The following CYP4F22 variants were observed in gnomAD, a reference collection of about 807,000 sequenced individuals.
CYP4F22 encodes the protein cytochrome P450 family 4 subfamily F member 22, also known as ultra-long-chain fatty acid omega-hydroxylase.
CYP4F22 carries 37 observed loss-of-function variants against 60.4 expected under a neutral mutation model. That is an observed-to-expected ratio of 0.61 (90% confidence interval 0.47 to 0.81). The LOEUF (loss-of-function observed/expected upper bound fraction) is 0.81. Ranked by LOEUF, CYP4F22 falls within the 30% of genes least tolerant of loss-of-function variation. The probability of loss-of-function intolerance (pLI) is 0.00; values close to 1 mark genes in which losing one functional copy is unlikely to be tolerated. For synonymous variants in CYP4F22, 258 were observed against 280.5 expected (o/e 0.92, Z 0.80); for missense variants, 655 against 715.0 (o/e 0.92, Z 0.96).
chr19:15,536,204 T>TGGC (rs1971392540), intron 4 of CYP4F22, among the ~76,000 whole-genome samples: 1 of 152,132 alleles, frequency 6.6e-6, no homozygotes, highest in Admixed American at 6.5e-5. Context: ...CCAGGCATGG[T>TGGC]GGCGTATGCC....
rs374513909 is a variant in CYP4F22 at position 15,529,729 on chromosome 19, C to T, written c.243C>T (p.Gly81=). Residue 81 remains glycine (G), a synonymous_variant, in exon 4 of 14, where the codon GGC becomes GGT. Transcript: ENST00000269703. ...HLGMYLPNEA[G]LQDEKKVLDN... ...TGCAGTACCTTCCAAATGAGGCGGG[C>T]CTTCAAGATGAGAAGAAGGTACTGG... The T allele has an allele frequency of 8.1e-6, 13 of 1,613,996 alleles. No individual in the cohort carries two copies. Among genetic ancestry groups the T allele is most frequent in the Non-Finnish European group, 1.1e-5 (13 of 1,180,038 alleles).
chr19:15,538,179 G>GAT (rs1472169313), intron 7 of CYP4F22, among the ~76,000 whole-genome samples, 186 bp downstream of exon 7: 1 of 152,034 alleles, frequency 6.6e-6, no homozygotes. Context: ...CAAAAAAATG[G>GAT]GCATCATAAT....
chr19:15,534,898 G>C (rs1971379704), intron 4 of CYP4F22, among the ~76,000 whole-genome samples: 1 of 152,152 alleles, frequency 6.6e-6, no homozygotes, highest in Non-Finnish European at 1.5e-5. Flanking sequence ...GTGATTTAGG[G>C]TGGCTGGAGT....
At chr19:15,513,892 G>A (rs998053747) in intron 1 of CYP4F22, among the ~76,000 whole-genome samples, 2 of 152,156 alleles carry the variant, frequency 1.3e-5, no homozygotes, top group Admixed American at 1.3e-4. Flanking sequence ...AGCCCTAATC[G>A]AGATGTAATT....
chr19:15,510,964 ATAT>A (rs1267534964), intron 1 of CYP4F22, among the ~76,000 whole-genome samples: 58 of 113,644 alleles, frequency 5.1e-4, no homozygotes, highest in African/African-American at 1.7e-3. Flanking sequence ...ATATATATAT[ATAT>A]TTTTTTTTTT....
chr19:15,514,564 C>T (rs540589180), intron 1 of CYP4F22, among the ~76,000 whole-genome samples: 1 of 152,034 alleles, frequency 6.6e-6, no homozygotes, highest in East Asian at 1.9e-4. Context: ...CCCAGCTACT[C>T]GGGAGGCTGA....
chr19:15,524,275 T>G (rs1971256393), intron 2 of CYP4F22, among the ~76,000 whole-genome samples: 1 of 152,124 alleles, frequency 6.6e-6, no homozygotes, highest in Non-Finnish European at 1.5e-5. Context: ...GAAAGCAGAT[T>G]AGTGGTGCCA....
intron 10 of CYP4F22, among the ~76,000 whole-genome samples, chr19:15,547,617 G>A (rs922759700): frequency 1.7e-4 from 26 of 152,130 alleles, no homozygotes; most frequent in South Asian, 6.2e-4. Context: ...GAGGTCAGGC[G>A]TTTGAGACCA....
chr19:15,540,850 C>CTCCCA, intron 8 of CYP4F22, 133 bp downstream of exon 8: 1 of 1,157,830 alleles, frequency 8.6e-7, no homozygotes, highest in Non-Finnish European at 1.2e-6. Flanking sequence ...TTTGGGAGGC[C>CTCCCA]AAGGCGGGAG....
At chr19:15,512,043 G>A (rs1449884385) in intron 1 of CYP4F22, among the ~76,000 whole-genome samples, 1 of 152,170 alleles carries the variant, frequency 6.6e-6, no homozygotes, top group Non-Finnish European at 1.5e-5. Flanking sequence ...ACATTCTGAG[G>A]GTGTCACCTT....
chr19:15,518,304 T>G (rs964010399), intron 1 of CYP4F22, among the ~76,000 whole-genome samples: 1 of 151,892 alleles, frequency 6.6e-6, no homozygotes, highest in Non-Finnish European at 1.5e-5. Context: ...ACCACTGCAC[T>G]TCTGCCTGGG....
intron 4 of CYP4F22, among the ~76,000 whole-genome samples, chr19:15,532,658 A>C (rs1020805131): frequency 1.3e-5 from 2 of 151,680 alleles, no homozygotes; most frequent in African/African-American, 4.8e-5. Flanking sequence ...CTGGGATTAC[A>C]GGCGTGAGCT....
intron 1 of CYP4F22, among the ~76,000 whole-genome samples, chr19:15,522,088 T>C (rs1414043181): frequency 1.4e-5 from 2 of 145,174 alleles, no homozygotes; most frequent in African/African-American, 2.6e-5. Context: ...GAGGTTGCAG[T>C]GAGCTGAGAC....
rs978762124 is a variant in CYP4F22 at position 15,511,291 on chromosome 19, CA to C, written c.-109+2715del. Among the ~76,000 whole-genome samples the C allele has an allele frequency of 4.0e-5, 6 of 150,684 alleles. No individual in the cohort carries two copies. In the East Asian group the frequency reaches 1.2e-3, roughly 29 times the overall value. On this transcript the variant is annotated intron_variant, in intron 1 of 13. Transcript: ENST00000269703. Reference sequence around the variant, plus strand: ...CCAGCACTATATTAATTTTTTTTAACAAAAAAATTAAAAAAAAATTAGCTGA... The same window carrying C: ...CCAGCACTATATTAATTTTTTTTAACAAAAAATTAAAAAAAAATTAGCTGA...
At chr19:15,541,537 G>C (rs7250414) in intron 8 of CYP4F22, among the ~76,000 whole-genome samples, 8,140 of 152,066 alleles carry the variant, frequency 0.054, 437 homozygotes, top group East Asian at 0.29. Context: ...TTCTAGCGGA[G>C]GGGGGGTGGG....
chr19:15,546,246 G>T (rs191152324), intron 10 of CYP4F22, among the ~76,000 whole-genome samples: 126 of 152,142 alleles, frequency 8.3e-4, no homozygotes, highest in Non-Finnish European at 1.6e-3. Context: ...AAAGTGCTGG[G>T]ATTATAGGTG....
chr19:15,508,744 AC>A (rs1971049044), intron 1 of CYP4F22, among the ~76,000 whole-genome samples, 161 bp downstream of exon 1: 1 of 151,664 alleles, frequency 6.6e-6, no homozygotes, highest in Admixed American at 6.6e-5. Context: ...AGGACCCAGG[AC>A]GGGGCTGCAT....
Position 15,551,695 on chromosome 19 carries a change from C to A in CYP4F22, c.*224C>A. ...GATCCCGCCCCTTGAGGCTTAGGTC[C>A]CGCCCCCTGACTTCTCGCACCTGTC... On this transcript the variant is annotated 3_prime_UTR_variant, in exon 14 of 14. Transcript: ENST00000269703. 1.6e-6 allele frequency: 1 copy of A among 619,562 alleles called. No individual in the cohort carries two copies. Among genetic ancestry groups the A allele is most frequent in the East Asian group, 2.8e-5 (1 of 36,092 alleles). The allele number at this position is 619,562 out of a possible 1,614,324, so 38.4% of individuals were successfully genotyped here.
rs143185294 is a variant in CYP4F22, at chr19:15,509,802, C to A, written c.-109+1219C>A. On this transcript the variant is annotated intron_variant, in intron 1 of 13. Transcript: ENST00000269703. ...GTCTGGCGGTGACCCAGGTTGGTAT[C>A]TGCAGAGGGGCTTGGATGACTTGAG... Among the ~76,000 whole-genome samples the A allele has an allele frequency of 6.0e-3, 908 of 152,172 alleles. 9 individuals carry two copies. Among genetic ancestry groups the A allele is most frequent in the African/African-American group, 0.02 (839 of 41,518 alleles).
Sources: gnomAD v4.1 joint callset for allele counts (sites outside exome capture counted in the v4.1 genomes callset) on GRCh38, gnomAD v4.1.1 for gene constraint, MANE v1.5 for transcripts, NCBI Gene and HGNC (gene_info 2026-07-23, HGNC 2026-07-21) for gene names.